The following ZNF487 variants were observed in gnomAD, a reference collection of about 807,000 sequenced individuals.
ZNF487 encodes KRAB domain only 1.
Under a neutral mutation model 3.0 loss-of-function variants are expected in ZNF487, and 4 were observed. That is an observed-to-expected ratio of 1.35 (90% CI 0.66 to 3.08). The LOEUF is 3.08. Among genes scored for constraint, ZNF487 ranks in the 30% most tolerant of loss-of-function variants. ZNF487 has a pLI of 0.01. For synonymous variants in ZNF487, 55 were observed against 34.6 expected (o/e 1.59, Z -2.06); for missense variants, 146 against 98.7 (o/e 1.48, Z -2.03).
chr10:43,498,274 A>ATAT, the ZNF487 span, among the ~76,000 whole-genome samples: 2 of 103,078 alleles, frequency 1.9e-5, no homozygotes, highest in African/African-American at 8.2e-5. Context: ...ATATATATAT[A>ATAT]TTTTTTTCTT....
the ZNF487 span, among the ~76,000 whole-genome samples, chr10:43,514,383 C>T: frequency 6.6e-6 from 1 of 152,184 alleles, no homozygotes; most frequent in Non-Finnish European, 1.5e-5. Flanking sequence ...TCAGGTGATC[C>T]ACCTGCCTTG....
chr10:43,449,872 G>A (rs1172123501), intron 1 of ZNF487, among the ~76,000 whole-genome samples: 2 of 151,958 alleles, frequency 1.3e-5, no homozygotes, highest in Admixed American at 6.6e-5. Context: ...TAGAGACGGG[G>A]TTTCCCCATG....
the ZNF487 span, among the ~76,000 whole-genome samples, chr10:43,498,099 ATTTTTTTTTTTTTTC>A: frequency 0.034 from 678 of 20,108 alleles, 18 homozygotes; most frequent in African/African-American, 0.044. Context: ...ATATATATAT[ATTTTTTTTTTTTTTC>A]TTTTTTTTTT....
chr10:43,442,500 G>A (rs1395914881), intron 1 of ZNF487, among the ~76,000 whole-genome samples: 3 of 151,960 alleles, frequency 2.0e-5, no homozygotes, highest in Non-Finnish European at 4.4e-5. Flanking sequence ...CTGGAGTGCA[G>A]TGGCACGATC....
intron 1 of ZNF487, among the ~76,000 whole-genome samples, chr10:43,461,710 G>A (rs946695306): frequency 1.8e-4 from 27 of 152,188 alleles, no homozygotes; most frequent in Non-Finnish European, 3.7e-4. Context: ...TGTAAGATTG[G>A]TGCTATTTAT....
chr10:43,442,732 C>T (rs975029405), intron 1 of ZNF487, among the ~76,000 whole-genome samples: 2 of 152,042 alleles, frequency 1.3e-5, no homozygotes, highest in African/African-American at 2.4e-5. Flanking sequence ...CGTGAGACAC[C>T]GCGCCCAGCC....
chr10:43,521,247 A>G, the ZNF487 span, among the ~76,000 whole-genome samples: 3 of 152,176 alleles, frequency 2.0e-5, no homozygotes, highest in Admixed American at 6.5e-5. Context: ...CCTTTTTAAT[A>G]TGGGTTTATT....
the ZNF487 span, among the ~76,000 whole-genome samples, chr10:43,509,192 CAAA>C: frequency 3.1e-5 from 4 of 130,316 alleles, no homozygotes; most frequent in Non-Finnish European, 1.6e-5. Flanking sequence ...AGACTCTGTC[CAAA>C]AAAAAAAAAA....
chr10:43,489,288 A>G, the ZNF487 span, among the ~76,000 whole-genome samples: 1 of 152,226 alleles, frequency 6.6e-6, no homozygotes, highest in Non-Finnish European at 1.5e-5. Flanking sequence ...CCATTTCTAA[A>G]AAAGTGAAAA....
the ZNF487 span, among the ~76,000 whole-genome samples, chr10:43,505,105 G>C: frequency 1.3e-5 from 2 of 151,540 alleles, no homozygotes; most frequent in Admixed American, 6.6e-5. Context: ...CTGAGACCTC[G>C]AACTCCTGGG....
chr10:43,506,660 C>T, the ZNF487 span, among the ~76,000 whole-genome samples: 1 of 152,132 alleles, frequency 6.6e-6, no homozygotes, highest in Admixed American at 6.6e-5. Flanking sequence ...TAGTGAAAAG[C>T]CTGCCTCCCA....
At chr10:43,480,029 T>A (rs1564428864) in intron 3 of ZNF487, among the ~76,000 whole-genome samples, 1 of 69,462 alleles carries the variant, frequency 1.4e-5, no homozygotes, top group Non-Finnish European at 4.2e-5. Flanking sequence ...CTTTCTTTCT[T>A]TCTTTCTTTC....
rs60702913 is a variant in ZNF487, at chr10:43,446,517, C to T, written c.-94+9255C>T. On this transcript the variant is annotated intron_variant, in intron 1 of 3. Coordinates refer to ENST00000437590, the MANE Select transcript of ZNF487 (RefSeq NM_001355444.3). ...GCAGAGGCGCTCCTCACCTCCCAGA[C>T]GGGGTGGCGGCCGGGTAGAGATGCT... Among the ~76,000 whole-genome samples the T allele has an allele frequency of 7.8e-3, 1,154 of 148,732 alleles. 16 individuals are homozygous for T. The highest frequency in any genetic ancestry group is 0.023 in the African/African-American group (908 of 40,130).
At chr10:43,474,261 C>T (rs1486406955) in intron 1 of ZNF487, among the ~76,000 whole-genome samples, 1 of 151,844 alleles carries the variant, frequency 6.6e-6, no homozygotes, top group Non-Finnish European at 1.5e-5. Context: ...TGAGATGAGC[C>T]TGACCAACAT....
the ZNF487 span, among the ~76,000 whole-genome samples, chr10:43,493,685 C>A: frequency 2.3e-5 from 1 of 44,210 alleles, no homozygotes; most frequent in East Asian, 6.8e-4. Flanking sequence ...AAGACCCTTC[C>A]TCAAAAAAAG....
At chr10:43,476,594 T>C (rs1841109062) in intron 3 of ZNF487, among the ~76,000 whole-genome samples, 1 of 152,208 alleles carries the variant, frequency 6.6e-6, no homozygotes, top group African/African-American at 2.4e-5. Flanking sequence ...TCTAACACCA[T>C]GGCTGTGTTA....
chr10:43,490,082 C>T, the ZNF487 span, among the ~76,000 whole-genome samples: 1 of 152,212 alleles, frequency 6.6e-6, no homozygotes, highest in South Asian at 2.1e-4. Context: ...GGCGTGGTGG[C>T]TCATGCCTAT....
At chr10:43,485,135 A>G (rs1416206736), downstream of ZNF487, among the ~76,000 whole-genome samples, 3 of 151,938 alleles carry the variant, frequency 2.0e-5, no homozygotes, top group Non-Finnish European at 4.4e-5. Context: ...TACTCTTCAC[A>G]TTTTTCCAAG....
chr10:43,507,637 C>A, the ZNF487 span, among the ~76,000 whole-genome samples: 209 of 152,352 alleles, frequency 1.4e-3, 1 homozygote, highest in Middle Eastern at 3.4e-3. Flanking sequence ...CTGGGCTTTG[C>A]TTAGTATGGC....
Sources: allele counts gnomAD v4.1 joint callset (sites outside exome capture counted in the v4.1 genomes callset), GRCh38; gene constraint gnomAD v4.1.1; transcripts MANE v1.5; gene names NCBI Gene and HGNC (gene_info 2026-07-23, HGNC 2026-07-21).